ANKRD17: variants seen among roughly 807,000 people sequenced by gnomAD.
ANKRD17 encodes ankyrin repeat domain-containing protein 17.
In ANKRD17, 19 loss-of-function variants were observed where a neutral mutation model predicts 229.7. The ratio of observed to expected loss-of-function variants is 0.08; its 90% CI spans 0.06 to 0.12. ANKRD17 has a LOEUF of 0.12. Among genes scored for constraint, ANKRD17 ranks in the 10% least tolerant of loss-of-function variants. The probability of loss-of-function intolerance (pLI) is 1.00; values close to 1 mark genes in which losing one functional copy is unlikely to be tolerated. For missense variants in ANKRD17, 2,176 were observed against 3,176.8 expected, an observed-to-expected ratio of 0.68 and a Z score of 7.57; for synonymous variants, 1,112 against 1,146.1, an observed-to-expected ratio of 0.97 and a Z score of 0.60.
chr4:73,236,348 A>G (rs1411016318), intron 1 of ANKRD17, among the ~76,000 whole-genome samples: 2 of 152,094 alleles, frequency 1.3e-5, no homozygotes, highest in East Asian at 3.9e-4. Flanking sequence ...AGAGATGGTT[A>G]CTGCTATGTT....
chr4:73,137,974 T>TA (rs1161606776), intron 15 of ANKRD17, among the ~76,000 whole-genome samples: 3 of 152,168 alleles, frequency 2.0e-5, no homozygotes, highest in East Asian at 1.9e-4. Context: ...TGATATTATA[T>TA]AAAAAAAATT....
intron 24 of ANKRD17, among the ~76,000 whole-genome samples, chr4:73,111,469 C>T (rs1725311561): frequency 6.6e-6 from 1 of 152,140 alleles, no homozygotes; most frequent in Admixed American, 6.6e-5. Context: ...CAACATGAAA[C>T]TTATGAATTG....
intron 2 of ANKRD17, among the ~76,000 whole-genome samples, chr4:73,166,677 A>C (rs1475291731): frequency 6.6e-6 from 1 of 152,178 alleles, no homozygotes; most frequent in Non-Finnish European, 1.5e-5. Flanking sequence ...TCTGGATCTA[A>C]AATAGGAAAT....
At chr4:73,242,780 T>G (rs1467479535) in intron 1 of ANKRD17, among the ~76,000 whole-genome samples, 1 of 152,144 alleles carries the variant, frequency 6.6e-6, no homozygotes, top group Non-Finnish European at 1.5e-5. Flanking sequence ...AACTGTGAAA[T>G]TCACTCAAAG....
chr4:73,256,629 AATT>A (rs757575847), intron 1 of ANKRD17, among the ~76,000 whole-genome samples: 3 of 152,226 alleles, frequency 2.0e-5, no homozygotes, highest in Non-Finnish European at 4.4e-5. Flanking sequence ...TAAAGGGCTG[AATT>A]ACCTGTAAAA....
At chr4:73,222,931 G>C in intron 1 of ANKRD17, 1 of 1,412,824 alleles carries the variant, frequency 7.1e-7, no homozygotes, top group South Asian at 1.2e-5. Flanking sequence ...AGATTTCTTT[G>C]TTCAGATTTC....
chr4:73,225,907 T>C (rs1266284930), intron 1 of ANKRD17, among the ~76,000 whole-genome samples: 1 of 141,512 alleles, frequency 7.1e-6, no homozygotes, highest in Admixed American at 7.0e-5. Flanking sequence ...AAAAAGAAAT[T>C]AGGCAACACT....
At chr4:73,140,380 G>A (rs1020468726) in intron 14 of ANKRD17, 97 bp from the exon 15 acceptor site, 1 of 1,263,060 alleles carries the variant, frequency 7.9e-7, no homozygotes, top group Non-Finnish European at 1.1e-6. Context: ...TATGCACTAA[G>A]TAATCATATC....
At chr4:73,191,992 A>G (rs1386534136) in intron 1 of ANKRD17, among the ~76,000 whole-genome samples, 1 of 152,120 alleles carries the variant, frequency 6.6e-6, no homozygotes, top group Non-Finnish European at 1.5e-5. Flanking sequence ...CTATGGTTAA[A>G]TAAATTATAT....
intron 18 of ANKRD17, among the ~76,000 whole-genome samples, chr4:73,122,941 G>A (rs1267180669): frequency 2.0e-5 from 3 of 151,904 alleles, no homozygotes; most frequent in Non-Finnish European, 4.4e-5. Context: ...CAACAAAAAT[G>A]TATGATTTTT....
chr4:73,237,890 A>G (rs1166932167), intron 1 of ANKRD17, among the ~76,000 whole-genome samples: 2 of 152,188 alleles, frequency 1.3e-5, no homozygotes, highest in Non-Finnish European at 2.9e-5. Flanking sequence ...AAAACTTAAC[A>G]AATTCAGAAT....
At chr4:73,114,037 A>G in intron 23 of ANKRD17, 129 bp from the exon 24 acceptor site, 2 of 594,000 alleles carry the variant, frequency 3.4e-6, no homozygotes, top group Non-Finnish European at 6.0e-6. Flanking sequence ...AGGGGGAAAA[A>G]AGGTGTGCAA....
chr4:73,078,515 G>C lies in ANKRD17; in HGVS notation c.7408+127C>G, dbSNP rs1721238376. The C allele has an allele frequency of 6.0e-6, 7 of 1,167,318 alleles. No homozygotes were observed. The South Asian group carries it at 8.2e-5, about 14-fold the overall frequency. 72.3% of individuals were successfully genotyped at this position (1,167,318 alleles called of 1,614,324 possible). ...ATCACCCCATTGCACTCCAGCCTGA[G>C]CAACAAGTGAAACTCCATCTCAAAA... On this transcript the variant is annotated intron_variant, in intron 31 of 33. Coordinates refer to ENST00000358602, the MANE Select transcript of ANKRD17 (RefSeq NM_032217.5).
At chr4:73,141,544 A>G (rs1203351605) in intron 14 of ANKRD17, among the ~76,000 whole-genome samples, 197 bp downstream of exon 14, 2 of 152,236 alleles carry the variant, frequency 1.3e-5, no homozygotes, top group African/African-American at 2.4e-5. Flanking sequence ...TGAATTTCTC[A>G]TGCTAAAACT....
At chr4:73,093,566 G>A (rs1364191612) in intron 28 of ANKRD17, among the ~76,000 whole-genome samples, 1 of 151,812 alleles carries the variant, frequency 6.6e-6, no homozygotes, top group Non-Finnish European at 1.5e-5. Context: ...TAGTAGAGAC[G>A]GGGTTTCCCC....
At chr4:73,165,584 T>C (rs2148935693) in intron 2 of ANKRD17, among the ~76,000 whole-genome samples, 1 of 152,320 alleles carries the variant, frequency 6.6e-6, no homozygotes, top group Non-Finnish European at 1.5e-5. Flanking sequence ...GTACACATCC[T>C]ACAACCTTGG....
intron 10 of ANKRD17, 70 bp downstream of exon 10, chr4:73,146,694 T>A (rs1270332946): frequency 1.8e-6 from 2 of 1,140,112 alleles, no homozygotes; most frequent in African/African-American, 1.6e-5. Flanking sequence ...ACCTTTTGTC[T>A]AGACTCTCCA....
At position 73,199,221 on chromosome 4, in the gene ANKRD17, CTGTGTG is replaced by C. The variant is rs10577503; in HGVS notation, c.394-21694_394-21689del. Among the ~76,000 whole-genome samples the C allele has an allele frequency of 8.0e-3, 1,128 of 140,420 alleles. 14 individuals carry two copies. Among genetic ancestry groups the C allele is most frequent in the African/African-American group, 0.02 (759 of 37,516 alleles). The allele number at this position is 140,420 out of a possible 152,430, so 92.1% of individuals were successfully genotyped here. ...CAGGCTGCGAAAACATACAGTTTGG[CTGTGTG>C]TGTGTGTGTGTGTGTGTGTGTGTGT... On this transcript the variant is annotated intron_variant, in intron 1 of 33. Coordinates refer to ENST00000358602, the MANE Select transcript of ANKRD17 (RefSeq NM_032217.5).
At chr4:73,211,615 G>A (rs994327157) in intron 1 of ANKRD17, among the ~76,000 whole-genome samples, 2 of 152,106 alleles carry the variant, frequency 1.3e-5, no homozygotes, top group Non-Finnish European at 2.9e-5. Context: ...GGGAGGCCGA[G>A]GCAGGTGGAT....
Sources: gnomAD v4.1 joint callset for allele counts (sites outside exome capture counted in the v4.1 genomes callset) on GRCh38, gnomAD v4.1.1 for gene constraint, MANE v1.5 for transcripts, NCBI Gene and HGNC (gene_info 2026-07-23, HGNC 2026-07-21) for gene names.